The following VPS35L variants were observed in gnomAD, a reference collection of about 807,000 sequenced individuals.
The protein encoded by VPS35L is VPS35 endosomal protein-sorting factor-like.
VPS35L carries 83 observed loss-of-function variants against 133.0 expected under a neutral mutation model. The observed-to-expected ratio is 0.62, with a 90% CI of 0.52 to 0.75. The LOEUF (loss-of-function observed/expected upper bound fraction) is 0.75. Ranked by LOEUF, VPS35L falls within the 30% of genes least tolerant of loss-of-function variation. The pLI, the probability that VPS35L is intolerant of heterozygous loss-of-function variation, is 0.00. For missense variants in VPS35L, 1,083 were observed against 1,206.8 expected, an observed-to-expected ratio of 0.90 and a Z score of 1.52; for synonymous variants, 423 against 449.9, an observed-to-expected ratio of 0.94 and a Z score of 0.76.
chr16:19,662,302 C>T (rs373816696), intron 26 of VPS35L, among the ~76,000 whole-genome samples: 6 of 151,768 alleles, frequency 4.0e-5, no homozygotes, highest in African/African-American at 7.3e-5. Flanking sequence ...GTCAGGGGTT[C>T]GAGACCTGCC....
In VPS35L at chr16:19,633,246, G is replaced by T. The variant is rs2151570798; in HGVS notation, c.1635+74G>T. Reference sequence around the variant, plus strand: ...GTTGAATTAAATAGGCGTGTTGTATGGGTCAGGCTATAAAGGCACATAATC... The same window carrying T: ...GTTGAATTAAATAGGCGTGTTGTATTGGTCAGGCTATAAAGGCACATAATC... On this transcript the variant is annotated intron_variant, in intron 19 of 30. Transcript: ENST00000417362. The surrounding 1 kb of genome is among the most constrained non-coding windows in gnomAD (Gnocchi z 4.1). The T allele has an allele frequency of 7.5e-7, 1 of 1,332,642 alleles. No homozygotes were observed. Among genetic ancestry groups the T allele is most frequent in the Non-Finnish European group, 1.1e-6 (1 of 926,014 alleles). 82.6% of individuals were successfully genotyped at this position (1,332,642 alleles called of 1,614,324 possible).
In VPS35L at chr16:19,660,354, A is replaced by C. The variant is rs576489619; in HGVS notation, c.2221+8264A>C. ...AAAAAAAAAAAAATAAAGAAGAAAT[A>C]ATGGTTTTTCTATTCTTCGATCTTC... is the stretch of plus-strand genomic sequence containing the variant. On this transcript the variant is annotated intron_variant, in intron 26 of 30. Transcript: ENST00000417362. Among the ~76,000 whole-genome samples, 8 of 151,946 alleles carry C rather than the reference A, an allele frequency of 5.3e-5. No homozygotes were observed. In the East Asian group the frequency reaches 1.4e-3, roughly 26 times the overall value.
chr16:19,614,908 T>G (rs2151551668), intron 12 of VPS35L, among the ~76,000 whole-genome samples: 1 of 152,328 alleles, frequency 6.6e-6, no homozygotes, highest in East Asian at 1.9e-4. Context: ...AATGTTACAG[T>G]CTGTTTTTTA....
At chr16:19,659,528 T>C (rs1974411966) in intron 26 of VPS35L, among the ~76,000 whole-genome samples, 1 of 152,250 alleles carries the variant, frequency 6.6e-6, no homozygotes, top group Non-Finnish European at 1.5e-5. Context: ...AATTAAGCAT[T>C]AATGTATAAG....
At chr16:19,560,023 ACCATCCC>A (rs1045085473) in intron 1 of VPS35L, among the ~76,000 whole-genome samples, 10 of 152,044 alleles carry the variant, frequency 6.6e-5, no homozygotes, top group Non-Finnish European at 8.8e-5. Flanking sequence ...ATTTTTCACC[ACCATCCC>A]CCTTTTTAAA....
At chr16:19,604,835 C>T (rs1485488155) in intron 9 of VPS35L, among the ~76,000 whole-genome samples, 1 of 152,180 alleles carries the variant, frequency 6.6e-6, no homozygotes, top group East Asian at 1.9e-4. Context: ...GAGAAAGATA[C>T]AGTGTCTTTT....
intron 27 of VPS35L, among the ~76,000 whole-genome samples, chr16:19,679,181 G>A (rs1597428124): frequency 1.3e-5 from 2 of 152,170 alleles, no homozygotes; most frequent in African/African-American, 4.8e-5. Flanking sequence ...GTTCCCAGCT[G>A]AAACCAGCTC....
chr16:19,647,789 C>A lies in VPS35L; in HGVS notation c.1935C>A (p.Ser645=), dbSNP rs760305830. The change falls in exon 24 of 31, where the codon TCC becomes TCA. Residue 645 remains serine (S), a synonymous_variant. Coordinates refer to ENST00000417362, the MANE Select transcript of VPS35L (RefSeq NM_020314.7). The part of the protein sequence containing the change: ...YLINGFIKMV[S]FGRDFEQQLS... ...GTCTTTCTCCTTGATTCTAGGTTTC[C>A]TTTGGCCGTGATTTTGAACAACAGC... 10 of 1,613,904 alleles carry A rather than the reference C, an allele frequency of 6.2e-6. No individual in the cohort carries two copies. Among genetic ancestry groups the A allele is most frequent in the South Asian group, 3.3e-5 (3 of 91,066 alleles).
intron 26 of VPS35L, among the ~76,000 whole-genome samples, chr16:19,660,099 T>TG (rs1395012302): frequency 6.6e-6 from 1 of 151,974 alleles, no homozygotes; most frequent in Non-Finnish European, 1.5e-5. Context: ...GCCGAGACGG[T>TG]GGATCACTAG....
chr16:19,585,439 G>A (rs1971834572), intron 7 of VPS35L, among the ~76,000 whole-genome samples: 1 of 138,028 alleles, frequency 7.2e-6, no homozygotes, highest in African/African-American at 2.7e-5. Context: ...CAGGGTCTCT[G>A]TCACCCAGGC....
chr16:19,568,663 G>A (rs771735941), intron 2 of VPS35L, among the ~76,000 whole-genome samples: 1 of 152,026 alleles, frequency 6.6e-6, no homozygotes, highest in Non-Finnish European at 1.5e-5. Context: ...GGGAGGAACT[G>A]GGGGCAGAGA....
chr16:19,565,149 T>C lies in VPS35L; in HGVS notation c.117+199T>C, dbSNP rs757390981. Among the ~76,000 whole-genome samples the C allele has an allele frequency of 6.8e-4, 102 of 149,788 alleles. 1 individual carries two copies. Among genetic ancestry groups the C allele is most frequent in the Non-Finnish European group, 2.2e-4 (15 of 67,646 alleles). On this transcript the variant is annotated intron_variant, in intron 2 of 30. Transcript: ENST00000417362. ...CAACCTCTGACCTCTGCCTCCTGGG[T>C]TTAAGCGATTCTCCTGCCTCAGCCT...
At chr16:19,563,489 T>A (rs567730778) in intron 1 of VPS35L, among the ~76,000 whole-genome samples, 1 of 152,288 alleles carries the variant, frequency 6.6e-6, no homozygotes, top group South Asian at 2.1e-4. Context: ...TCACCTATTA[T>A]CTCTTCAGAG....
intron 25 of VPS35L, among the ~76,000 whole-genome samples, chr16:19,650,697 C>T (rs1356140404): frequency 1.3e-5 from 2 of 152,090 alleles, no homozygotes; most frequent in Non-Finnish European, 1.5e-5. Context: ...GGTGAATGAG[C>T]GATGGATCTG....
chr16:19,681,042 G>A (rs758578620), intron 27 of VPS35L, among the ~76,000 whole-genome samples: 7 of 152,138 alleles, frequency 4.6e-5, no homozygotes, highest in Middle Eastern at 3.2e-3. Context: ...CCAAGGAGCC[G>A]TCTGGCCAAG....
At chr16:19,626,257 G>T in intron 15 of VPS35L, 34 bp downstream of exon 15, 1 of 1,534,312 alleles carries the variant, frequency 6.5e-7, no homozygotes, top group Non-Finnish European at 9.0e-7. Flanking sequence ...GCATGAGTTT[G>T]AAAATGGCGT....
At chr16:19,574,063 A>C (rs1194788310) in intron 4 of VPS35L, among the ~76,000 whole-genome samples, 1 of 152,138 alleles carries the variant, frequency 6.6e-6, no homozygotes, top group African/African-American at 2.4e-5. Flanking sequence ...GCTGAGACCA[A>C]CCCAGTCAGG....
Position 19,555,764 on chromosome 16 carries a change from G to T in VPS35L, c.17+18G>T, listed in dbSNP as rs749094001. On this transcript the variant is annotated intron_variant, in intron 1 of 30. Transcript: ENST00000417362. ...TTTCCTTGGTAAGGAAGCAGCGGCG[G>T]GTGGGCTTTGGAGAGGGGCTGTCCT... is the stretch of plus-strand genomic sequence containing the variant. 5.7e-5 allele frequency: 89 copies of T among 1,566,498 alleles called. No homozygotes were observed. Among genetic ancestry groups the T allele is most frequent in the Non-Finnish European group, 7.3e-5 (85 of 1,157,260 alleles).
At chr16:19,693,279 GT>G (rs1975764785) in intron 29 of VPS35L, among the ~76,000 whole-genome samples, 1 of 152,120 alleles carries the variant, frequency 6.6e-6, no homozygotes, top group African/African-American at 2.4e-5. Context: ...ATGTGGATGT[GT>G]GTGTTGCGGG....
Sources: allele counts gnomAD v4.1 joint callset (sites outside exome capture counted in the v4.1 genomes callset), GRCh38; gene constraint gnomAD v4.1.1; non-coding constraint Gnocchi (gnomAD v3.1); transcripts MANE v1.5; gene names NCBI Gene and HGNC (gene_info 2026-07-23, HGNC 2026-07-21).